The following ERC1 variants were observed in gnomAD, a reference collection of about 807,000 sequenced individuals.
ERC1 encodes the protein ELKS/RAB6-interacting/CAST family member 1, also known as RAB6 interacting protein 2.
ERC1 carries 56 observed loss-of-function variants against 132.0 expected under a neutral mutation model. The observed-to-expected ratio is 0.42, with a 90% CI of 0.34 to 0.53. The LOEUF (loss-of-function observed/expected upper bound fraction) is 0.53, where lower values mean the gene tolerates loss of function less well. Ranked by LOEUF, ERC1 falls within the 20% of genes least tolerant of loss-of-function variation. ERC1 has a pLI of 0.03. For synonymous variants in ERC1, 478 were observed against 476.1 expected (o/e 1.00, Z -0.05); for missense variants, 1,202 against 1,349.9 (o/e 0.89, Z 1.72).
At chr12:1,063,164 T>C (rs112573728) in intron 2 of ERC1, among the ~76,000 whole-genome samples, 11,124 of 152,166 alleles carry the variant, frequency 0.073, 573 homozygotes, top group Non-Finnish European at 0.12. Flanking sequence ...GCCTCCCGGG[T>C]TCAAGCAGTT....
chr12:1,426,270 T>A (rs1240623822), intron 17 of ERC1, among the ~76,000 whole-genome samples: 4 of 152,090 alleles, frequency 2.6e-5, no homozygotes, highest in Admixed American at 2.6e-4. Context: ...CACACCCGTC[T>A]AGTTTTGTAT....
At chr12:1,007,146 T>TA (rs1335252573) in intron 1 of ERC1, among the ~76,000 whole-genome samples, 2 of 152,124 alleles carry the variant, frequency 1.3e-5, no homozygotes, top group African/African-American at 4.8e-5. Context: ...GTGTTATTGA[T>TA]ACGTGCAAGA....
At chr12:1,323,014 C>T (rs570671674) in intron 15 of ERC1, among the ~76,000 whole-genome samples, 3 of 152,126 alleles carry the variant, frequency 2.0e-5, no homozygotes, top group African/African-American at 4.8e-5. Flanking sequence ...TCTGTTTCAT[C>T]TCTCTTCTTA....
chr12:1,420,123 A>G (rs541060339), intron 17 of ERC1, among the ~76,000 whole-genome samples: 1 of 152,296 alleles, frequency 6.6e-6, no homozygotes, highest in South Asian at 2.1e-4. Context: ...ACTGCTTAGA[A>G]GTCTTTAAAA....
chr12:1,292,960 C>A (rs1326812806), intron 15 of ERC1, among the ~76,000 whole-genome samples: 1 of 151,944 alleles, frequency 6.6e-6, no homozygotes, highest in Non-Finnish European at 1.5e-5. Flanking sequence ...TCCTGGCCAA[C>A]ATGGTGAACC....
chr12:1,338,028 C>T (rs2083459229), intron 15 of ERC1, among the ~76,000 whole-genome samples: 1 of 152,176 alleles, frequency 6.6e-6, no homozygotes, highest in African/African-American at 2.4e-5. Context: ...ATGTTCTTCT[C>T]ATGAAGGATC....
At chr12:1,280,698 T>TCA (rs375772938) in intron 14 of ERC1, among the ~76,000 whole-genome samples, 3 of 151,956 alleles carry the variant, frequency 2.0e-5, no homozygotes, top group African/African-American at 4.8e-5. Flanking sequence ...ATGGCCAAAA[T>TCA]CACACACACA....
intron 15 of ERC1, among the ~76,000 whole-genome samples, chr12:1,334,719 T>C (rs2083163923): frequency 6.6e-6 from 1 of 152,190 alleles, no homozygotes; most frequent in African/African-American, 2.4e-5. Flanking sequence ...TTGGGGATCT[T>C]TTTTGGTTTT....
At chr12:1,118,860 A>T (rs759801936) in intron 7 of ERC1, among the ~76,000 whole-genome samples, 33 of 152,210 alleles carry the variant, frequency 2.2e-4, no homozygotes, top group Non-Finnish European at 4.6e-4. Context: ...AACATGGAGC[A>T]TGGAGTTTTT....
At chr12:1,440,460 C>A (rs2093099800) in intron 17 of ERC1, among the ~76,000 whole-genome samples, 1 of 150,552 alleles carries the variant, frequency 6.6e-6, no homozygotes, top group Non-Finnish European at 1.5e-5. Context: ...CCCTCCTTGG[C>A]CTCCCAAAGT....
rs55805105 is a variant in ERC1, at chr12:1,038,039, C to A, written c.669+9467C>A. 6.9e-3 allele frequency among the ~76,000 whole-genome samples: 1,031 copies of A among 149,390 alleles called. 7 individuals carry two copies. Among genetic ancestry groups the A allele is most frequent in the Admixed American group, 0.011 (158 of 15,016 alleles). On this transcript the variant is annotated intron_variant, in intron 2 of 18. Transcript: ENST00000360905. ...CAGCCTGGGCGACAGAGCAAGACTC[C>A]GTCTCAAAAAAAAAAAAAGAAAAAG...
chr12:1,477,448 A>C (rs555668655), intron 18 of ERC1, among the ~76,000 whole-genome samples: 1 of 152,214 alleles, frequency 6.6e-6, no homozygotes, highest in East Asian at 1.9e-4. Flanking sequence ...CACGTGTGAG[A>C]CTGAGCAGAA....
chr12:1,447,550 A>C (rs115240131), intron 18 of ERC1, among the ~76,000 whole-genome samples: 5,991 of 151,694 alleles, frequency 0.039, 141 homozygotes, highest in African/African-American at 0.056. Context: ...ACAACAAAAA[A>C]AAAAAAACCC....
At chr12:1,060,423 G>A (rs1033008769) in intron 2 of ERC1, among the ~76,000 whole-genome samples, 12 of 151,660 alleles carry the variant, frequency 7.9e-5, no homozygotes, top group African/African-American at 1.7e-4. Flanking sequence ...GAGAACATGC[G>A]GTGTTTGGTT....
chr12:1,308,210 GTTATTA>G (rs60804477), intron 15 of ERC1, among the ~76,000 whole-genome samples: 4 of 150,032 alleles, frequency 2.7e-5, no homozygotes, highest in African/African-American at 4.9e-5. Context: ...TGTTACTATT[GTTATTA>G]TTATTATTAT....
chr12:1,435,034 G>A (rs1229814589), intron 17 of ERC1, among the ~76,000 whole-genome samples: 3 of 152,130 alleles, frequency 2.0e-5, no homozygotes, highest in Non-Finnish European at 4.4e-5. Context: ...CCTCATGTTT[G>A]TTTTTCCCAA....
At position 997,289 on chromosome 12, in the gene ERC1, G is replaced by A. The variant is rs564506758; in HGVS notation, c.-157+5967G>A. Among the ~76,000 whole-genome samples the A allele has an allele frequency of 3.3e-5, 5 of 152,364 alleles. No homozygotes were observed. In the South Asian group the frequency reaches 8.3e-4, roughly 25 times the overall value. On this transcript the variant is annotated intron_variant, in intron 1 of 18. Coordinates refer to ENST00000360905, the MANE Select transcript of ERC1 (RefSeq NM_178040.4). ...ACTGATAAATAAAGGAAATGCAGTA[G>A]TTGGAATTTATGTATACGTCAGCTA...
At chr12:1,346,157 T>C (rs192678431) in intron 15 of ERC1, among the ~76,000 whole-genome samples, 3 of 141,866 alleles carry the variant, frequency 2.1e-5, no homozygotes, top group African/African-American at 7.5e-5. Flanking sequence ...ACTCAAGTTT[T>C]TGTTGTTTGT....
intron 18 of ERC1, among the ~76,000 whole-genome samples, chr12:1,472,125 T>C (rs946310804): frequency 6.6e-6 from 1 of 152,218 alleles, no homozygotes; most frequent in Admixed American, 6.5e-5. Context: ...GGTATTTGCC[T>C]GAGCTGCAGG....
Sources: gnomAD v4.1 joint callset for allele counts (sites outside exome capture counted in the v4.1 genomes callset) on GRCh38, gnomAD v4.1.1 for gene constraint, MANE v1.5 for transcripts, NCBI Gene and HGNC (gene_info 2026-07-23, HGNC 2026-07-21) for gene names.